Variants in UIMC1 observed in about 807,000 individuals in gnomAD.
UIMC1 encodes BRCA1-A complex subunit RAP80.
A neutral mutation model predicts 84.9 loss-of-function variants in UIMC1; 42 were observed. The observed-to-expected ratio is 0.49, with a 90% CI of 0.39 to 0.64. UIMC1 has a LOEUF of 0.64. UIMC1 is among the 30% of genes least tolerant of loss of function. UIMC1 has a pLI of 0.00. For synonymous variants in UIMC1, 281 were observed against 293.0 expected, an observed-to-expected ratio of 0.96 and a Z score of 0.42; for missense variants, 825 against 847.6, an observed-to-expected ratio of 0.97 and a Z score of 0.33.
At chr5:176,931,476 T>C (rs947679119) in intron 10 of UIMC1, among the ~76,000 whole-genome samples, 1 of 152,154 alleles carries the variant, frequency 6.6e-6, no homozygotes. Flanking sequence ...CTCCTTAGCA[T>C]GAAGGTACAA....
chr5:176,944,725 A>C (rs937951654), intron 9 of UIMC1, among the ~76,000 whole-genome samples: 2 of 152,236 alleles, frequency 1.3e-5, no homozygotes, highest in African/African-American at 4.8e-5. Context: ...AATGCTTATA[A>C]GTGTGATCCA....
rs769660914 is a variant in UIMC1, at chr5:176,969,724, A to G, written c.358-18T>C. On this transcript the variant is annotated intron_variant, in intron 4 of 14. Coordinates refer to ENST00000511320, the MANE Select transcript of UIMC1 (RefSeq NM_001199298.2). The stretch of plus-strand genomic sequence containing the variant: ...CGGCAACTCTGAAACAAGTGATCCC[A>G]TACCAGACCAGGTTTATTATTAAAA... 10 of 1,608,556 alleles carry G rather than the reference A, an allele frequency of 6.2e-6. No individual in the cohort carries two copies. The East Asian group carries it at 6.7e-5, about 11-fold the overall frequency.
intron 6 of UIMC1, among the ~76,000 whole-genome samples, chr5:176,960,399 C>A (rs1767198106): frequency 6.6e-6 from 1 of 151,952 alleles, no homozygotes; most frequent in African/African-American, 2.4e-5. Context: ...GAGGTTCTTC[C>A]AGAATATGAA....
At chr5:176,988,131 A>C (rs1330479345) in intron 1 of UIMC1, among the ~76,000 whole-genome samples, 2 of 36,382 alleles carry the variant, frequency 5.5e-5, no homozygotes, top group Non-Finnish European at 1.0e-4. Context: ...GCCCCTGTCC[A>C]AAAAAAAAAA....
chr5:176,908,766 C>A, intron 11 of UIMC1, 72 bp from the exon 12 acceptor site: 1 of 1,520,800 alleles, frequency 6.6e-7, no homozygotes, highest in South Asian at 1.3e-5. Context: ...CTGGATATGT[C>A]TCAAATTGTG....
chr5:177,010,608 G>A (rs929615057), upstream of UIMC1, among the ~76,000 whole-genome samples: 15 of 151,864 alleles, frequency 9.9e-5, no homozygotes, highest in Non-Finnish European at 2.1e-4. Context: ...GGCATGATCT[G>A]CCTCCTGGGT....
At chr5:176,942,364 T>C (rs1047044113) in intron 10 of UIMC1, among the ~76,000 whole-genome samples, 1 of 152,176 alleles carries the variant, frequency 6.6e-6, no homozygotes, top group Admixed American at 6.5e-5. Context: ...AATATTTGAA[T>C]ACATAAGTTG....
upstream of UIMC1, among the ~76,000 whole-genome samples, chr5:177,009,101 A>G (rs1470126863): frequency 1.3e-5 from 2 of 151,570 alleles, no homozygotes; most frequent in African/African-American, 4.8e-5. This position sits in a 1 kb window ranked among gnomAD's most constrained non-coding sequence, Gnocchi z 4.3. Flanking sequence ...CAAACTCCTG[A>G]GCTCAAGCTA....
intron 1 of UIMC1, among the ~76,000 whole-genome samples, chr5:177,020,409 T>G (rs995275238): frequency 7.6e-4 from 116 of 152,204 alleles, no homozygotes; most frequent in African/African-American, 2.7e-3. Context: ...CTGTTTTATC[T>G]TCTCCTTAGC....
intron 10 of UIMC1, among the ~76,000 whole-genome samples, chr5:176,938,161 G>A (rs1157574124): frequency 1.6e-5 from 2 of 126,798 alleles, no homozygotes; most frequent in African/African-American, 3.0e-5. Flanking sequence ...CTGCCCTCCA[G>A]CCTGGGCTAC....
At chr5:176,936,861 C>G (rs1763771549) in intron 10 of UIMC1, among the ~76,000 whole-genome samples, 1 of 152,150 alleles carries the variant, frequency 6.6e-6, no homozygotes. Context: ...ATTCCCTATT[C>G]CCCTCTCCCT....
At chr5:176,965,146 G>T (rs1401821934) in intron 6 of UIMC1, among the ~76,000 whole-genome samples, 3 of 152,268 alleles carry the variant, frequency 2.0e-5, no homozygotes, top group Admixed American at 1.3e-4. Context: ...CTGAAGCCAG[G>T]CGCGGTGGCT....
chr5:176,941,178 G>C (rs1400361230), intron 10 of UIMC1, among the ~76,000 whole-genome samples: 1 of 152,112 alleles, frequency 6.6e-6, no homozygotes, highest in Non-Finnish European at 1.5e-5. Flanking sequence ...GTAGGCATTA[G>C]AAATATTTTT....
chr5:176,984,871 G>A (rs1036659213), intron 1 of UIMC1, among the ~76,000 whole-genome samples: 4 of 152,164 alleles, frequency 2.6e-5, no homozygotes, highest in African/African-American at 9.7e-5. Context: ...GATGTGCTTT[G>A]TTAAAAAGAT....
rs74693529 is a variant in UIMC1 at position 176,913,410 on chromosome 5, T to A, written c.1598-2021A>T. On this transcript the variant is annotated intron_variant, in intron 10 of 14. Coordinates refer to ENST00000511320, the MANE Select transcript of UIMC1 (RefSeq NM_001199298.2). ...AATCTAGATCTGATTCCTATACTTA[T>A]GTTTTACCTTCCTAATTAACCTCTT... is the stretch of plus-strand genomic sequence containing the variant. Among the ~76,000 whole-genome samples, 39 of 152,366 alleles carry A rather than the reference T, an allele frequency of 2.6e-4. No individual in the cohort carries two copies. The East Asian group carries it at 7.1e-3, about 28-fold the overall frequency.
chr5:177,008,117 A>G (rs1328873527), upstream of UIMC1, among the ~76,000 whole-genome samples: 28 of 151,560 alleles, frequency 1.8e-4, no homozygotes, highest in Admixed American at 9.2e-4. Context: ...AAAAAAAAAA[A>G]AGAGAGAGAG....
chr5:177,017,800 A>G (rs1775703846), intron 1 of UIMC1, among the ~76,000 whole-genome samples: 1 of 151,506 alleles, frequency 6.6e-6, no homozygotes, highest in Non-Finnish European at 1.5e-5. Context: ...CCAAAGGCAC[A>G]CACCACCACA....
intron 1 of UIMC1, among the ~76,000 whole-genome samples, chr5:176,987,002 T>C (rs971201318): frequency 1.3e-5 from 2 of 152,246 alleles, no homozygotes; most frequent in South Asian, 2.1e-4. Context: ...GGCAGATTAC[T>C]TGAGGTCAGG....
At chr5:176,964,745 T>C (rs1235829164) in intron 6 of UIMC1, among the ~76,000 whole-genome samples, 1 of 152,222 alleles carries the variant, frequency 6.6e-6, no homozygotes, top group African/African-American at 2.4e-5. Flanking sequence ...TTAAAGTTAA[T>C]GTCTATATGC....
Sources: allele counts gnomAD v4.1 joint callset (sites outside exome capture counted in the v4.1 genomes callset), GRCh38; gene constraint gnomAD v4.1.1; non-coding constraint Gnocchi (gnomAD v3.1); transcripts MANE v1.5; gene names NCBI Gene and HGNC (gene_info 2026-07-23, HGNC 2026-07-21).